Variants in PTER observed in about 807,000 individuals in gnomAD.
The protein encoded by PTER is phosphotriesterase related, also known as N-acetyltaurine hydrolase.
In PTER, 38 loss-of-function variants were observed where a neutral mutation model predicts 29.6. The ratio of observed to expected loss-of-function variants is 1.28; its 90% CI spans 0.99 to 1.68. PTER has a LOEUF of 1.68. Among genes scored for constraint, PTER ranks in the 40% most tolerant of loss-of-function variants. The pLI is 0.00. For synonymous variants in PTER, 172 were observed against 154.5 expected (o/e 1.11, Z -0.84); for missense variants, 482 against 427.8 (o/e 1.13, Z -1.12).
At chr10:16,446,815 G>T (rs113439015) in intron 1 of PTER, among the ~76,000 whole-genome samples, 5,942 of 151,818 alleles carry the variant, frequency 0.039, 367 homozygotes, top group African/African-American at 0.13. Flanking sequence ...TTGAGACAGG[G>T]TCTCCCTCTG....
At chr10:16,456,707 T>C (rs1394883462) in intron 1 of PTER, among the ~76,000 whole-genome samples, 1 of 152,160 alleles carries the variant, frequency 6.6e-6, no homozygotes, top group Non-Finnish European at 1.5e-5. Flanking sequence ...GCTCTCTTCT[T>C]GGATAGGGCT....
rs564626577 is a variant in PTER at position 16,464,220 on chromosome 10, C to T, written c.-48-20117C>T. Among the ~76,000 whole-genome samples, 9 of 152,184 alleles carry T rather than the reference C, an allele frequency of 5.9e-5. 1 individual carries two copies. The highest frequency in any genetic ancestry group is 3.3e-4 in the Admixed American group (5 of 15,276). On this transcript the variant is annotated intron_variant, in intron 1 of 4. Transcript: ENST00000535784. Reference sequence around the variant, plus strand: ...AGAGTTTTATGAAGACACATCCATACAATACTTTATTAATAGTGGTCATCA... The same window carrying T: ...AGAGTTTTATGAAGACACATCCATATAATACTTTATTAATAGTGGTCATCA...
At chr10:16,495,053 T>C (rs1485361192) in intron 3 of PTER, among the ~76,000 whole-genome samples, 1 of 152,170 alleles carries the variant, frequency 6.6e-6, no homozygotes, top group Non-Finnish European at 1.5e-5. Flanking sequence ...GTAATTATTT[T>C]AAGTAGTTGT....
chr10:16,484,745 A>T lies in PTER; in HGVS notation c.361A>T (p.Ile121Phe). 1 of 1,613,984 alleles carries T rather than the reference A, an allele frequency of 6.2e-7. No individual in the cohort carries two copies. The highest frequency in any genetic ancestry group is 1.1e-5 in the South Asian group (1 of 91,052). ...KRLAEETGVH[I>F]ISGAGFYVDA... ...GCTTGCAGAAGAGACTGGCGTCCAT[A>T]TCATATCTGGAGCCGGGTTTTATGT... Residue 121 changes from isoleucine (I) to phenylalanine (F), a missense_variant, in exon 2 of 5, where the codon ATC becomes TTC. Coordinates refer to ENST00000535784, the MANE Select transcript of PTER (RefSeq NM_001261836.2).
intron 3 of PTER, among the ~76,000 whole-genome samples, chr10:16,502,033 G>A (rs552851746): frequency 6.6e-6 from 1 of 152,118 alleles, no homozygotes; most frequent in African/African-American, 2.4e-5. Flanking sequence ...GTTTTCTAAG[G>A]CTTTACATTT....
chr10:16,504,094 T>A (rs1435056349), intron 3 of PTER, among the ~76,000 whole-genome samples: 1 of 152,174 alleles, frequency 6.6e-6, no homozygotes, highest in Admixed American at 6.5e-5. Context: ...TATTTTTCCT[T>A]CACTTTTTTT....
chr10:16,450,964 G>A (rs1457087181), intron 1 of PTER, among the ~76,000 whole-genome samples: 1 of 152,158 alleles, frequency 6.6e-6, no homozygotes, highest in Non-Finnish European at 1.5e-5. Flanking sequence ...TAGAAGTAGA[G>A]TACTTAGCAT....
At chr10:16,500,664 G>A (rs796595432) in intron 3 of PTER, among the ~76,000 whole-genome samples, 7 of 152,330 alleles carry the variant, frequency 4.6e-5, no homozygotes, top group African/African-American at 9.6e-5. Context: ...CGTTTATAAC[G>A]TAGGTAACAT....
chr10:16,445,848 C>T (rs1450181853), intron 1 of PTER, among the ~76,000 whole-genome samples: 1 of 152,076 alleles, frequency 6.6e-6, no homozygotes, highest in Non-Finnish European at 1.5e-5. Context: ...TCCTGAGGGG[C>T]TGACATGGCC....
chr10:16,508,741 G>A (rs1189601298), intron 4 of PTER, among the ~76,000 whole-genome samples: 1 of 152,168 alleles, frequency 6.6e-6, no homozygotes, highest in Non-Finnish European at 1.5e-5. Context: ...ATGTGTGTGT[G>A]CTTAATCTTC....
At chr10:16,447,281 T>C (rs553905823) in intron 1 of PTER, among the ~76,000 whole-genome samples, 1 of 151,654 alleles carries the variant, frequency 6.6e-6, no homozygotes, top group East Asian at 1.9e-4. Context: ...TTTACTTTTG[T>C]AGAGATAAGG....
At chr10:16,495,899 C>T (rs1288260219) in intron 3 of PTER, among the ~76,000 whole-genome samples, 1 of 152,200 alleles carries the variant, frequency 6.6e-6, no homozygotes, top group African/African-American at 2.4e-5. Flanking sequence ...TTTCACCAGT[C>T]TATTGTGAGT....
chr10:16,486,321 A>T, intron 2 of PTER, 31 bp from the exon 3 acceptor site: 1 of 1,577,162 alleles, frequency 6.3e-7, no homozygotes, highest in Non-Finnish European at 8.6e-7. Flanking sequence ...TTCACAACCT[A>T]TAAAATATAT....
intron 1 of PTER, among the ~76,000 whole-genome samples, chr10:16,473,283 A>C (rs1835122278): frequency 6.6e-6 from 1 of 152,144 alleles, no homozygotes; most frequent in Admixed American, 6.6e-5. Context: ...AGTCAAAGGA[A>C]GATAAATCCA....
intron 3 of PTER, among the ~76,000 whole-genome samples, chr10:16,492,005 A>G (rs1835918314): frequency 6.6e-6 from 1 of 152,190 alleles, no homozygotes; most frequent in South Asian, 2.1e-4. Context: ...TGGCTATCCA[A>G]AAGGGGCATT....
rs185132104 is a variant in PTER, at chr10:16,443,481, T to C, written c.-49+6434T>C. 1.3e-3 allele frequency among the ~76,000 whole-genome samples: 205 copies of C among 152,316 alleles called. 1 individual carries two copies. Among genetic ancestry groups the C allele is most frequent in the African/African-American group, 4.8e-3 (199 of 41,578 alleles). ...TGGAAGCTACTGTTTTTGGAGTTAT[T>C]TTCTTTGATTGTTAAATTTGACCTT... On this transcript the variant is annotated intron_variant, in intron 1 of 4. Coordinates refer to ENST00000535784, the MANE Select transcript of PTER (RefSeq NM_001261836.2).
chr10:16,463,240 C>G (rs1429707599), intron 1 of PTER, among the ~76,000 whole-genome samples: 1 of 149,190 alleles, frequency 6.7e-6, no homozygotes, highest in African/African-American at 2.5e-5. Flanking sequence ...TCTCACTCAT[C>G]TGTCTAGCTG....
intron 1 of PTER, among the ~76,000 whole-genome samples, chr10:16,477,609 G>A (rs1396816052): frequency 6.6e-6 from 1 of 152,118 alleles, no homozygotes; most frequent in African/African-American, 2.4e-5. Context: ...AAGTTATCTG[G>A]TCAACCCCTT....
chr10:16,486,149 G>T (rs113190735), intron 2 of PTER, among the ~76,000 whole-genome samples: 2,297 of 152,112 alleles, frequency 0.015, 51 homozygotes, highest in African/African-American at 0.052. Flanking sequence ...TGATATTATC[G>T]AATCTTGGAT....
Sources: gnomAD v4.1 joint callset for allele counts (sites outside exome capture counted in the v4.1 genomes callset) on GRCh38, gnomAD v4.1.1 for gene constraint, MANE v1.5 for transcripts, NCBI Gene and HGNC (gene_info 2026-07-23, HGNC 2026-07-21) for gene names.